The following SBNO2 variants were observed in gnomAD, a reference collection of about 807,000 sequenced individuals.
The protein encoded by SBNO2 is protein strawberry notch homolog 2.
Under a neutral mutation model 146.3 loss-of-function variants are expected in SBNO2, and 89 were observed. The observed-to-expected ratio is 0.61, with a 90% CI of 0.51 to 0.73. The LOEUF (loss-of-function observed/expected upper bound fraction) is 0.73. SBNO2 is among the 30% of genes least tolerant of loss of function. The pLI is 0.00. For synonymous variants in SBNO2, 1,147 were observed against 892.6 expected, an observed-to-expected ratio of 1.29 and a Z score of -5.08; for missense variants, 2,092 against 2,003.7, an observed-to-expected ratio of 1.04 and a Z score of -0.84.
chr19:1,108,877 C>T lies in SBNO2; in HGVS notation c.3518G>A (p.Arg1173His). ...HHYMLCGALLRVWGRIAAVMA... is the reference protein window; with the variant it reads ...HHYMLCGALLHVWGRIAAVMA... ...GACGGCGGCGATGCGGCCCCACACG[C>T]GCAGCAGCGCGCCGCACAGCATGTA... is the stretch of plus-strand genomic sequence containing the variant. The change falls in exon 31 of 32, where the codon CGC becomes CAC. Residue 1173 changes from arginine to histidine, a missense_variant. Coordinates refer to ENST00000361757, the MANE Select transcript of SBNO2 (RefSeq NM_014963.3). 3 of 1,590,838 alleles carry T rather than the reference C, an allele frequency of 1.9e-6. No homozygotes were observed. The highest frequency in any genetic ancestry group is 2.3e-5 in the East Asian group (1 of 44,258).
At chr19:1,163,423 G>C (rs1743922443) in intron 1 of SBNO2, among the ~76,000 whole-genome samples, 1 of 152,212 alleles carries the variant, frequency 6.6e-6, no homozygotes, top group African/African-American at 2.4e-5. Context: ...TGGCCTCCAG[G>C]ACAGGGACAG....
At position 1,114,251 on chromosome 19, in the gene SBNO2, C is replaced by G. The variant is rs932147747; in HGVS notation, c.2057G>C (p.Gly686Ala). The G allele has an allele frequency of 6.5e-7, 1 of 1,530,350 alleles. No individual in the cohort carries two copies. The highest frequency in any genetic ancestry group is 1.2e-5 in the South Asian group (1 of 82,000). The allele number at this position is 1,530,350 out of a possible 1,614,324, so 94.8% of individuals were successfully genotyped here. A position where few individuals can be genotyped will look rare whatever the true frequency, so the allele number is the denominator to read the frequency against. The change falls in exon 18 of 32, where the codon GGG becomes GCG. Residue 686 changes from glycine (G) to alanine (A), a missense_variant. Transcript: ENST00000361757. ...DDDVVIVDAV[G>A]LPSDDRGPLC... ...CTCACCCCGGTCGTCACTGGGGAGC[C>G]CGACTGCATCAACGATGACAACGTC... is the stretch of plus-strand genomic sequence containing the variant.
chr19:1,119,896 A>T lies in SBNO2; in HGVS notation c.1267+10T>A. ...TGCGGGTGGGTCACGTGGGATCCGCACCGCCCCACCTGTGGCGCTGGCGTA... is the reference window on the plus strand; with the variant it reads ...TGCGGGTGGGTCACGTGGGATCCGCTCCGCCCCACCTGTGGCGCTGGCGTA... On this transcript the variant is annotated intron_variant, in intron 12 of 31. Coordinates refer to ENST00000361757, the MANE Select transcript of SBNO2 (RefSeq NM_014963.3). The T allele has an allele frequency of 6.5e-7, 1 of 1,537,282 alleles. No individual in the cohort carries two copies.
chr19:1,155,590 T>C (rs1049464704), intron 1 of SBNO2, among the ~76,000 whole-genome samples: 1 of 152,172 alleles, frequency 6.6e-6, no homozygotes, highest in African/African-American at 2.4e-5. Flanking sequence ...GGCCAATCCT[T>C]GTCAAAGATT....
intron 4 of SBNO2, among the ~76,000 whole-genome samples, chr19:1,143,227 C>G (rs558866297): frequency 6.6e-6 from 1 of 152,138 alleles, no homozygotes; most frequent in African/African-American, 2.4e-5. Flanking sequence ...CCTGTAATCC[C>G]CATGCTTTGG....
Position 1,122,199 on chromosome 19 carries a change from G to T in SBNO2, c.1089C>A (p.Gly363=). The T allele has an allele frequency of 6.4e-7, 1 of 1,555,020 alleles. No individual in the cohort carries two copies. The highest frequency in any genetic ancestry group is 8.7e-7 in the Non-Finnish European group (1 of 1,150,218). Residue 363 remains glycine, a synonymous_variant, in exon 11 of 32, where the codon GGC becomes GGA. Coordinates refer to ENST00000361757, the MANE Select transcript of SBNO2 (RefSeq NM_014963.3). Reference sequence around the variant, plus strand: ...TCTGCCGGAGGCGAGTGCGGTGCTGGCCGCCGGCCTGGCTCTCCCCAATCA... The same window carrying T: ...TCTGCCGGAGGCGAGTGCGGTGCTGTCCGCCGGCCTGGCTCTCCCCAATCA... ...SALIGESQAG[G]QHRTRLRQIL... is the part of the protein sequence containing the mutation.
At position 1,157,041 on chromosome 19, in the gene SBNO2, C is replaced by G. The variant is rs556057900; in HGVS notation, c.-126-2639G>C. Among the ~76,000 whole-genome samples the G allele has an allele frequency of 2.9e-4, 44 of 151,866 alleles. No individual in the cohort carries two copies. Among genetic ancestry groups the G allele is most frequent in the African/African-American group, 1.1e-3 (44 of 41,462 alleles). ...CCTCCCACCCTGTCCTCGGCCATAT[C>G]TCACAACCCCTGCTGCCCCGATCCC... On this transcript the variant is annotated intron_variant, in intron 1 of 31. Coordinates refer to ENST00000361757, the MANE Select transcript of SBNO2 (RefSeq NM_014963.3). This position sits in a 1 kb window ranked among gnomAD's most constrained non-coding sequence, Gnocchi z 6.8.
chr19:1,133,143 A>G (rs919624647), intron 4 of SBNO2, among the ~76,000 whole-genome samples: 1 of 151,916 alleles, frequency 6.6e-6, no homozygotes, highest in African/African-American at 2.4e-5. Flanking sequence ...AGGGGGTGGG[A>G]GGACGGCCGG....
chr19:1,155,167 G>A (rs2080278905), intron 1 of SBNO2: 1 of 152,268 alleles, frequency 6.6e-6, no homozygotes, highest in Admixed American at 6.5e-5. Flanking sequence ...CACTGCCGAG[G>A]GCGGCAGGAA....
intron 13 of SBNO2, 144 bp from the exon 14 acceptor site, chr19:1,119,308 C>T: frequency 1.8e-6 from 2 of 1,104,410 alleles, no homozygotes; most frequent in Non-Finnish European, 2.6e-6. Flanking sequence ...GGCAGCTGAG[C>T]CTGGCGGGGA....
At chr19:1,121,428 C>G (rs749693447) in intron 11 of SBNO2, among the ~76,000 whole-genome samples, 2 of 152,172 alleles carry the variant, frequency 1.3e-5, no homozygotes, top group African/African-American at 4.8e-5. Context: ...TGTGTCTCGG[C>G]GTTAACTGAA....
At chr19:1,119,707 G>C in intron 12 of SBNO2, 86 bp from the exon 13 acceptor site, 1 of 1,206,078 alleles carries the variant, frequency 8.3e-7, no homozygotes, top group African/African-American at 1.5e-5. Context: ...ACCACCCGAC[G>C]AGGGGCCCTG....
At position 1,111,999 on chromosome 19, in the gene SBNO2, G is replaced by A; in HGVS notation, c.2697C>T (p.Asn899=). The change falls in exon 23 of 32, where the codon AAC becomes AAT. Residue 899 remains asparagine, a synonymous_variant. Coordinates refer to ENST00000361757, the MANE Select transcript of SBNO2 (RefSeq NM_014963.3). ...AACCCTGCCTTCCCTGCAGTACCTT[G>A]TTCTCAAAGTTGTACTTGCTGAGGT... The part of the protein sequence containing the change: ...SRDLSKYNFE[N]KYGTRALHCV... 1 of 1,609,826 alleles carries A rather than the reference G, an allele frequency of 6.2e-7. No homozygotes were observed. The highest frequency in any genetic ancestry group is 2.2e-5 in the East Asian group (1 of 44,836).
chr19:1,122,867 T>G (rs2079919980), intron 8 of SBNO2, 27 bp downstream of exon 8: 1 of 1,539,478 alleles, frequency 6.5e-7, no homozygotes, highest in African/African-American at 1.4e-5. Context: ...GGACACAGGC[T>G]GGGCTGGGTT....
In SBNO2 at chr19:1,123,404, G is replaced by A. The variant is rs185578061; in HGVS notation, c.628+130C>T. ...AGCCTGGATTGTAGAACCTGTCCCC[G>A]GGCTCTCCGGCCCTCCCTGAAGCTT... On this transcript the variant is annotated intron_variant, in intron 7 of 31. Transcript: ENST00000361757. 1.0e-4 allele frequency: 79 copies of A among 776,278 alleles called. No individual in the cohort carries two copies. In the African/African-American group the frequency reaches 1.0e-3, roughly 10 times the overall value. 48.1% of individuals were successfully genotyped at this position (776,278 alleles called of 1,614,324 possible).
chr19:1,171,505 T>C (rs892262550), intron 1 of SBNO2, among the ~76,000 whole-genome samples: 1 of 152,128 alleles, frequency 6.6e-6, no homozygotes, highest in Non-Finnish European at 1.5e-5. Context: ...GTGGATTACA[T>C]GATACCGCCC....
Position 1,123,574 on chromosome 19 carries a change from C to T in SBNO2, c.588G>A (p.Leu196=), listed in dbSNP as rs199983953. The T allele has an allele frequency of 2.7e-5, 44 of 1,613,610 alleles. No homozygotes were observed. The highest frequency in any genetic ancestry group is 8.8e-5 in the South Asian group (8 of 91,082). The change falls in exon 7 of 32, where the codon CTG becomes CTA. Residue 196 remains leucine (L), a synonymous_variant. Transcript: ENST00000361757. ...AGTCGGCGTAGGTCTCTGTGTGCCCCAGCTCCTCCGCCTCCTCCTCCTCAG... is the reference window on the plus strand; with the variant it reads ...AGTCGGCGTAGGTCTCTGTGTGCCCTAGCTCCTCCGCCTCCTCCTCCTCAG... ...DEAEEEEAEE[L]GHTETYADYV...
intron 5 of SBNO2, among the ~76,000 whole-genome samples, chr19:1,125,496 C>A (rs2079955049): frequency 1.3e-5 from 2 of 151,610 alleles, no homozygotes; most frequent in Admixed American, 6.6e-5. Context: ...AATGGATAAA[C>A]CCCATCTCTA....
At chr19:1,154,570 G>T (rs188821955) in intron 1 of SBNO2, among the ~76,000 whole-genome samples, 168 bp from the exon 2 acceptor site, 1 of 149,748 alleles carries the variant, frequency 6.7e-6, no homozygotes, top group Non-Finnish European at 1.5e-5. Context: ...ACCCCCACCC[G>T]CCATCAGCAG....
Sources: allele counts gnomAD v4.1 joint callset (sites outside exome capture counted in the v4.1 genomes callset), GRCh38; gene constraint gnomAD v4.1.1; non-coding constraint Gnocchi (gnomAD v3.1); transcripts MANE v1.5; gene names NCBI Gene and HGNC (gene_info 2026-07-23, HGNC 2026-07-21).